The following TMEFF1 variants were observed in gnomAD, a reference collection of about 807,000 sequenced individuals.
TMEFF1 encodes tomoregulin-1.
In TMEFF1, 20 loss-of-function variants were observed where a neutral mutation model predicts 47.5. The observed-to-expected ratio is 0.42, with a 90% confidence interval of 0.30 to 0.61. TMEFF1 has a LOEUF of 0.61. Among genes scored for constraint, TMEFF1 ranks in the 20% least tolerant of loss-of-function variants. The probability of loss-of-function intolerance (pLI) is 0.19; values close to 1 mark genes in which losing one functional copy is unlikely to be tolerated. For missense variants in TMEFF1, 411 were observed against 471.1 expected, an observed-to-expected ratio of 0.87 and a Z score of 1.18; for synonymous variants, 162 against 166.3, an observed-to-expected ratio of 0.97 and a Z score of 0.20.
chr9:100,474,796 GC>G (rs1021172839), intron 1 of TMEFF1, among the ~76,000 whole-genome samples: 1 of 152,032 alleles, frequency 6.6e-6, no homozygotes, highest in African/African-American at 2.4e-5. Flanking sequence ...AAGGCCGCTT[GC>G]CCCCCCACAG....
chr9:100,501,933 G>A (rs1323245981), intron 2 of TMEFF1, among the ~76,000 whole-genome samples: 7 of 152,074 alleles, frequency 4.6e-5, no homozygotes, highest in Non-Finnish European at 7.4e-5. Flanking sequence ...ATGAGCCACC[G>A]CGCCTGGCTA....
chr9:100,571,920 C>T (rs1288082605), intron 8 of TMEFF1, among the ~76,000 whole-genome samples: 2 of 152,078 alleles, frequency 1.3e-5, no homozygotes, highest in Admixed American at 6.5e-5. Context: ...GGTTTGCGCT[C>T]CTATGAGAAT....
At chr9:100,559,478 T>G (rs899198873) in intron 7 of TMEFF1, among the ~76,000 whole-genome samples, 1 of 152,170 alleles carries the variant, frequency 6.6e-6, no homozygotes, top group African/African-American at 2.4e-5. Context: ...TAGTCAGAAT[T>G]TAGATCTTTT....
intron 5 of TMEFF1, 61 bp from the exon 6 acceptor site, chr9:100,547,683 G>A: frequency 7.2e-7 from 1 of 1,384,052 alleles, no homozygotes; most frequent in Non-Finnish European, 9.4e-7. Context: ...CTTTTTTGCT[G>A]TTGCAGCATT....
chr9:100,532,293 A>T (rs1444855558), intron 5 of TMEFF1, among the ~76,000 whole-genome samples: 2 of 152,238 alleles, frequency 1.3e-5, no homozygotes, highest in Non-Finnish European at 2.9e-5. Flanking sequence ...CTACTATCAG[A>T]GTGAACAGGC....
At chr9:100,539,724 G>A (rs1035229530) in intron 5 of TMEFF1, among the ~76,000 whole-genome samples, 12 of 152,056 alleles carry the variant, frequency 7.9e-5, no homozygotes, top group Admixed American at 3.3e-4. Context: ...AGCGTGGAAG[G>A]GTACCTGAGC....
At chr9:100,574,019 TC>T (rs34824620) in intron 9 of TMEFF1, among the ~76,000 whole-genome samples, 4,291 of 152,354 alleles carry the variant, frequency 0.028, 75 homozygotes, top group Middle Eastern at 0.054. Flanking sequence ...TCTGTGGTCA[TC>T]CGACTAGTAA....
At chr9:100,539,036 A>T (rs544881039) in intron 5 of TMEFF1, among the ~76,000 whole-genome samples, 20 of 152,184 alleles carry the variant, frequency 1.3e-4, no homozygotes, top group Non-Finnish European at 2.9e-4. Context: ...CCTCCTGAGT[A>T]ACTGGGATTA....
At chr9:100,519,647 C>CTTTT (rs60569330) in intron 5 of TMEFF1, among the ~76,000 whole-genome samples, 23 of 65,166 alleles carry the variant, frequency 3.5e-4, no homozygotes, top group Admixed American at 4.5e-4. Flanking sequence ...TGCCCAGTGA[C>CTTTT]TTTTTTTTTT....
intron 8 of TMEFF1, among the ~76,000 whole-genome samples, chr9:100,567,518 C>T (rs1839147008): frequency 6.6e-6 from 1 of 152,166 alleles, no homozygotes; most frequent in African/African-American, 2.4e-5. Flanking sequence ...AGCTGGTAAG[C>T]AGGCCAGGGA....
chr9:100,555,760 G>A (rs756898104), intron 7 of TMEFF1, among the ~76,000 whole-genome samples: 36 of 152,256 alleles, frequency 2.4e-4, no homozygotes, highest in Non-Finnish European at 4.0e-4. Context: ...TATCTGTCTT[G>A]TTATTTAATA....
intron 5 of TMEFF1, among the ~76,000 whole-genome samples, chr9:100,522,400 A>ATGAC (rs1219707246): frequency 1.3e-5 from 2 of 149,698 alleles, no homozygotes; most frequent in Non-Finnish European, 3.0e-5. Flanking sequence ...GATGTTAGTA[A>ATGAC]TGACAGGTTC....
intron 5 of TMEFF1, among the ~76,000 whole-genome samples, chr9:100,533,437 A>G (rs1228126332): frequency 7.9e-5 from 12 of 151,988 alleles, no homozygotes; most frequent in Admixed American, 7.9e-4. Flanking sequence ...ATAACCTTTT[A>G]TTATCTTTTA....
At chr9:100,478,142 C>T (rs1208801921) in intron 1 of TMEFF1, among the ~76,000 whole-genome samples, 3 of 152,114 alleles carry the variant, frequency 2.0e-5, no homozygotes, top group African/African-American at 7.2e-5. Context: ...CTACCCATGC[C>T]ACTTACCTTA....
Position 100,576,592 on chromosome 9 carries a change from A to G in TMEFF1, c.1135A>G (p.Met379Val), listed in dbSNP as rs1839358654. 1 of 1,613,238 alleles carries G rather than the reference A, an allele frequency of 6.2e-7. No homozygotes were observed. The highest frequency in any genetic ancestry group is 8.5e-7 in the Non-Finnish European group (1 of 1,179,542). The change falls in exon 10 of 10, where the codon ATG becomes GTG. Residue 379 changes from methionine (M) to valine (V), a missense_variant. Transcript: ENST00000374879. Reference protein sequence around the residue: ...GHFTSDTSSRMV With the variant: ...GHFTSDTSSRVV ...TTTTACTTCAGATACGTCATCCAGA[A>G]TGGTTTAAACTGATGACTTTTATAT...
chr9:100,565,529 A>G (rs931646729), intron 8 of TMEFF1, among the ~76,000 whole-genome samples: 1 of 152,074 alleles, frequency 6.6e-6, no homozygotes, highest in African/African-American at 2.4e-5. Context: ...TGGGCCCTTT[A>G]TGCTGCCCTG....
At position 100,508,122 on chromosome 9, in the gene TMEFF1, T is replaced by C. The variant is rs563630982; in HGVS notation, c.307-883T>C. Among the ~76,000 whole-genome samples the C allele has an allele frequency of 7.9e-5, 12 of 152,354 alleles. No individual in the cohort carries two copies. In the South Asian group the frequency reaches 2.3e-3, roughly 29 times the overall value. ...AATATTTTATGCATTAACTGGCCAT[T>C]TGTAATTTTTCTGTAAACACTTCAT... On this transcript the variant is annotated intron_variant, in intron 2 of 9. Transcript: ENST00000374879.
At chr9:100,515,738 A>G (rs1407376980) in intron 4 of TMEFF1, among the ~76,000 whole-genome samples, 2 of 152,014 alleles carry the variant, frequency 1.3e-5, no homozygotes, top group African/African-American at 2.4e-5. Flanking sequence ...GTGATTCTCC[A>G]GGCTGAGATT....
intron 1 of TMEFF1, among the ~76,000 whole-genome samples, chr9:100,489,889 C>T (rs897349942): frequency 6.6e-6 from 1 of 152,110 alleles, no homozygotes; most frequent in Admixed American, 6.6e-5. Flanking sequence ...CTAGGATTGG[C>T]GAGGCCTGGA....
Sources: allele counts gnomAD v4.1 joint callset (sites outside exome capture counted in the v4.1 genomes callset), GRCh38; gene constraint gnomAD v4.1.1; transcripts MANE v1.5; gene names NCBI Gene and HGNC (gene_info 2026-07-23, HGNC 2026-07-21).